The following ZBTB46 variants were observed in gnomAD, a reference collection of about 807,000 sequenced individuals.
The protein encoded by ZBTB46 is zinc finger and BTB domain-containing protein 46.
A neutral mutation model predicts 44.1 loss-of-function variants in ZBTB46; 8 were observed. The ratio of observed to expected loss-of-function variants is 0.18; its 90% confidence interval spans 0.11 to 0.33. ZBTB46 has a LOEUF of 0.33. Among genes scored for constraint, ZBTB46 ranks in the 10% least tolerant of loss-of-function variants. The pLI is 1.00. For synonymous variants in ZBTB46, 409 were observed against 382.3 expected (o/e 1.07, Z -0.81); for missense variants, 651 against 847.7 (o/e 0.77, Z 2.88).
intron 1 of ZBTB46, among the ~76,000 whole-genome samples, chr20:63,821,440 C>T (rs1568908292): frequency 7.2e-6 from 1 of 139,476 alleles, no homozygotes; most frequent in Non-Finnish European, 1.6e-5. Flanking sequence ...AGCAGGCACG[C>T]TTTTTTTTTT....
chr20:63,773,693 C>T (rs1279330038), intron 3 of ZBTB46, among the ~76,000 whole-genome samples: 2 of 151,770 alleles, frequency 1.3e-5, no homozygotes, highest in African/African-American at 2.4e-5. Flanking sequence ...AAAAGGCGGT[C>T]GGAGGGGAGG....
chr20:63,785,530 A>G lies in ZBTB46; in HGVS notation c.937+4291T>C, dbSNP rs1053996179. Among the ~76,000 whole-genome samples the G allele has an allele frequency of 5.1e-4, 77 of 152,344 alleles. 1 individual carries two copies. Among genetic ancestry groups the G allele is most frequent in the African/African-American group, 1.7e-3 (70 of 41,584 alleles). On this transcript the variant is annotated intron_variant, in intron 2 of 4. Transcript: ENST00000245663. ...AGTCGAGATCACACCACCGCACTCC[A>G]GCCTGGGTGACAGTGACGCTCTGTC...
intron 1 of ZBTB46, among the ~76,000 whole-genome samples, chr20:63,799,319 C>T (rs1012656292): frequency 2.0e-5 from 3 of 151,810 alleles, no homozygotes; most frequent in African/African-American, 4.8e-5. Context: ...GGACTACAGG[C>T]GTGAGTCATC....
intron 1 of ZBTB46, among the ~76,000 whole-genome samples, chr20:63,795,458 C>A (rs2092595972): frequency 6.6e-6 from 1 of 152,264 alleles, no homozygotes; most frequent in South Asian, 2.1e-4. Flanking sequence ...CTGCGTGGGG[C>A]CTGTCCTGCC....
chr20:63,784,960 G>A (rs1376026992), intron 2 of ZBTB46, among the ~76,000 whole-genome samples: 3 of 152,102 alleles, frequency 2.0e-5, no homozygotes, highest in South Asian at 2.1e-4. Flanking sequence ...GTGGCCGGGC[G>A]TGGTGGCTCA....
rs561188613 is a variant in ZBTB46 at position 63,758,210 on chromosome 20, C to T, written c.1223-5349G>A. On this transcript the variant is annotated intron_variant, in intron 3 of 4. Transcript: ENST00000245663. ...CCCCCCACCCGCCCCGTCCAGAGCTCACACTCCCTCCTCCTGCTCCATAGG... is the reference window on the plus strand; with the variant it reads ...CCCCCCACCCGCCCCGTCCAGAGCTTACACTCCCTCCTCCTGCTCCATAGG... Among the ~76,000 whole-genome samples the T allele has an allele frequency of 6.1e-5, 9 of 146,546 alleles. No individual in the cohort carries two copies. The South Asian group carries it at 2.0e-3, about 33-fold the overall frequency.
chr20:63,765,579 G>C (rs1395365913), intron 3 of ZBTB46, among the ~76,000 whole-genome samples: 1 of 152,208 alleles, frequency 6.6e-6, no homozygotes, highest in Non-Finnish European at 1.5e-5. Context: ...CACGTGCACA[G>C]CACCACGCTC....
chr20:63,822,364 C>G (rs554725735), intron 1 of ZBTB46, among the ~76,000 whole-genome samples: 2 of 152,308 alleles, frequency 1.3e-5, no homozygotes, highest in South Asian at 4.1e-4. Flanking sequence ...GACACGGGCC[C>G]CCAATGAGAA....
intron 2 of ZBTB46, among the ~76,000 whole-genome samples, chr20:63,780,788 T>C (rs2092463375): frequency 7.1e-6 from 1 of 140,924 alleles, no homozygotes; most frequent in Admixed American, 7.2e-5. Context: ...GGCGACAGAA[T>C]GATACTCCGT....
intron 3 of ZBTB46, among the ~76,000 whole-genome samples, chr20:63,764,018 G>GAGTGCAGC (rs1470315365): frequency 6.6e-6 from 1 of 151,578 alleles, no homozygotes; most frequent in African/African-American, 2.4e-5. Context: ...ATCCAGGCTG[G>GAGTGCAGC]AGTGCAGCAG....
chr20:63,816,695 C>T (rs2092760483), intron 1 of ZBTB46, among the ~76,000 whole-genome samples: 1 of 152,140 alleles, frequency 6.6e-6, no homozygotes, highest in African/African-American at 2.4e-5. Context: ...AGTCCTAAAC[C>T]TGCAAACGTG....
At chr20:63,753,277 G>A (rs1246555353) in intron 3 of ZBTB46, among the ~76,000 whole-genome samples, 2 of 152,214 alleles carry the variant, frequency 1.3e-5, no homozygotes, top group African/African-American at 2.4e-5. Context: ...CCTCCCTGGA[G>A]GCAGAGAAGA....
intron 1 of ZBTB46, among the ~76,000 whole-genome samples, chr20:63,793,642 A>G (rs533328896): frequency 3.9e-5 from 3 of 77,448 alleles, no homozygotes; most frequent in African/African-American, 2.2e-4. Flanking sequence ...AAACAACAAC[A>G]AAAAAAATGC....
At chr20:63,774,048 ACCCCCCGCCC>A (rs1228409868) in intron 3 of ZBTB46, among the ~76,000 whole-genome samples, 2 of 5,258 alleles carry the variant, frequency 3.8e-4, no homozygotes, top group African/African-American at 6.1e-4. Flanking sequence ...TGTAAGTGGC[ACCCCCCGCCC>A]CCCCCCCCCC....
At chr20:63,800,996 T>C (rs2092639963) in intron 1 of ZBTB46, among the ~76,000 whole-genome samples, 1 of 152,252 alleles carries the variant, frequency 6.6e-6, no homozygotes, top group African/African-American at 2.4e-5. Flanking sequence ...GCTGGGCTCC[T>C]GAGTCTGGTG....
chr20:63,762,903 C>G (rs2092289814), intron 3 of ZBTB46, among the ~76,000 whole-genome samples: 1 of 151,888 alleles, frequency 6.6e-6, no homozygotes, highest in African/African-American at 2.4e-5. Context: ...GCTCCGTTAC[C>G]CACGCTGGAG....
chr20:63,757,247 C>T (rs556228008), intron 3 of ZBTB46, among the ~76,000 whole-genome samples: 41 of 152,258 alleles, frequency 2.7e-4, no homozygotes, highest in African/African-American at 8.4e-4. Context: ...CTCAGCCTCT[C>T]GAGTAGCTGG....
chr20:63,832,825 G>A (rs1038903887), upstream of ZBTB46, among the ~76,000 whole-genome samples: 1 of 152,162 alleles, frequency 6.6e-6, no homozygotes, highest in Non-Finnish European at 1.5e-5. The surrounding 1 kb of genome is among the most constrained non-coding windows in gnomAD (Gnocchi z 5.0). Flanking sequence ...ACCCTGAGAA[G>A]AGGCGGCTTC....
At chr20:63,784,164 A>G (rs1397786569) in intron 2 of ZBTB46, among the ~76,000 whole-genome samples, 2 of 152,184 alleles carry the variant, frequency 1.3e-5, no homozygotes, top group Non-Finnish European at 2.9e-5. Flanking sequence ...TTCCTGCTTT[A>G]TCCCCAGCAA....
Sources: allele counts gnomAD v4.1 joint callset (sites outside exome capture counted in the v4.1 genomes callset), GRCh38; gene constraint gnomAD v4.1.1; non-coding constraint Gnocchi (gnomAD v3.1); transcripts MANE v1.5; gene names NCBI Gene and HGNC (gene_info 2026-07-23, HGNC 2026-07-21).